AP2A2: variants seen among roughly 807,000 people sequenced by gnomAD.
The protein encoded by AP2A2 is AP-2 complex subunit alpha-2.
In AP2A2, 32 loss-of-function variants were observed where a neutral mutation model predicts 104.2. That is an observed-to-expected ratio of 0.31 (90% confidence interval 0.23 to 0.41). AP2A2 has a LOEUF of 0.41. Ranked by LOEUF, AP2A2 falls within the 10% of genes least tolerant of loss-of-function variation. The pLI, the probability that AP2A2 is intolerant of heterozygous loss-of-function variation, is 1.00. For missense variants in AP2A2, 912 were observed against 1,261.0 expected, an observed-to-expected ratio of 0.72 and a Z score of 4.19; for synonymous variants, 539 against 533.3, an observed-to-expected ratio of 1.01 and a Z score of -0.15.
At chr11:945,369 C>G (rs1041852627) in intron 1 of AP2A2, among the ~76,000 whole-genome samples, 2 of 152,074 alleles carry the variant, frequency 1.3e-5, no homozygotes, top group African/African-American at 4.8e-5. Context: ...GAATCTCTCT[C>G]GTCACCCAGG....
rs189120398 is a variant in AP2A2, at chr11:930,741, C to T, written c.67+4653C>T. ...TTCACCGTGTTAGCCAGGATGGTCTCGGTCTCCTGACCTCGTGATCCACCG... is the reference window on the plus strand; with the variant it reads ...TTCACCGTGTTAGCCAGGATGGTCTTGGTCTCCTGACCTCGTGATCCACCG... On this transcript the variant is annotated intron_variant, in intron 1 of 21. Coordinates refer to ENST00000448903, the MANE Select transcript of AP2A2 (RefSeq NM_012305.4). 3.0e-3 allele frequency among the ~76,000 whole-genome samples: 458 copies of T among 152,232 alleles called. 12 individuals are homozygous for T. The highest frequency in any genetic ancestry group is 0.028 in the Admixed American group (421 of 15,286).
At chr11:934,351 C>T (rs2134458818) in intron 1 of AP2A2, among the ~76,000 whole-genome samples, 1 of 152,208 alleles carries the variant, frequency 6.6e-6, no homozygotes, top group Admixed American at 6.5e-5. Context: ...TCTTGAACTC[C>T]TTGGCTCAAG....
intron 10 of AP2A2, 52 bp downstream of exon 10, chr11:988,741 C>T (rs574519019): frequency 3.0e-5 from 48 of 1,601,012 alleles, no homozygotes; most frequent in East Asian, 1.8e-4. Context: ...TGAATCTCAG[C>T]GGCAGGATTT....
Position 969,000 on chromosome 11 carries a change from C to T in AP2A2, c.137-1169C>T, listed in dbSNP as rs1171839397. Among the ~76,000 whole-genome samples, 2 of 152,164 alleles carry T rather than the reference C, an allele frequency of 1.3e-5. No individual in the cohort carries two copies. Among genetic ancestry groups the T allele is most frequent in the African/African-American group, 2.4e-5 (1 of 41,540 alleles). ...TTGAGGTCGTCCGTGGAGGTGTGAG[C>T]GCCCCAGCCCTTCACAAGAAGGGGG... On this transcript the variant is annotated intron_variant, in intron 2 of 21. Coordinates refer to ENST00000448903, the MANE Select transcript of AP2A2 (RefSeq NM_012305.4). This position sits in a 1 kb window ranked among gnomAD's most constrained non-coding sequence, Gnocchi z 4.2.
intron 5 of AP2A2, 26 bp downstream of exon 5, chr11:977,250 C>T: frequency 6.4e-7 from 1 of 1,556,928 alleles, no homozygotes; most frequent in Non-Finnish European, 8.7e-7. Context: ...TTTGGTTCTC[C>T]CCGCTCCCCC....
At chr11:1,004,431 C>T (rs1172432018) in intron 16 of AP2A2, among the ~76,000 whole-genome samples, 3 of 151,910 alleles carry the variant, frequency 2.0e-5, no homozygotes, top group Non-Finnish European at 2.9e-5. Flanking sequence ...CAAGATCATG[C>T]CACTGCACTA....
chr11:982,160 C>G (rs1200987598), intron 6 of AP2A2, among the ~76,000 whole-genome samples: 2 of 152,228 alleles, frequency 1.3e-5, no homozygotes, highest in African/African-American at 4.8e-5. Flanking sequence ...AAGGGATTCT[C>G]CTGCCTCAGC....
rs557660792 is a variant in AP2A2, at chr11:983,673, G to T, written c.706-972G>T. Among the ~76,000 whole-genome samples the T allele has an allele frequency of 5.3e-5, 8 of 152,166 alleles. No individual in the cohort carries two copies. In the South Asian group the frequency reaches 8.3e-4, roughly 16 times the overall value. On this transcript the variant is annotated intron_variant, in intron 6 of 21. Transcript: ENST00000448903. ...GCTGGGATTACAGGCGGGAGCCACC[G>T]CACCTGGCCTAGTCTCTTTTTAAAC...
At chr11:999,706 T>A (rs566830868) in intron 14 of AP2A2, among the ~76,000 whole-genome samples, 27 of 152,324 alleles carry the variant, frequency 1.8e-4, no homozygotes, top group Non-Finnish European at 3.4e-4. Flanking sequence ...AATTTAATGA[T>A]TAATAATGCA....
chr11:928,286 C>T (rs1296139306), intron 1 of AP2A2, among the ~76,000 whole-genome samples: 1 of 152,224 alleles, frequency 6.6e-6, no homozygotes, highest in Non-Finnish European at 1.5e-5. Flanking sequence ...TACAGTATAT[C>T]ATTACAGTTC....
chr11:966,396 G>A (rs759066023), intron 2 of AP2A2, among the ~76,000 whole-genome samples: 4 of 152,190 alleles, frequency 2.6e-5, no homozygotes, highest in Non-Finnish European at 5.9e-5. Flanking sequence ...CACTTGGGAG[G>A]CTGAGGTGGG....
At chr11:981,079 C>T (rs754121649) in intron 5 of AP2A2, 119 bp from the exon 6 acceptor site, 40 of 727,484 alleles carry the variant, frequency 5.5e-5, no homozygotes, top group East Asian at 8.3e-5. Flanking sequence ...GGCCTGAGGC[C>T]GAGGTGGCTG....
At chr11:1,008,795 C>A in intron 18 of AP2A2, 1 of 435,898 alleles carries the variant, frequency 2.3e-6, no homozygotes, top group Non-Finnish European at 4.1e-6. Flanking sequence ...AATGCCTTTG[C>A]CTTTTTAAAG....
chr11:948,651 G>C (rs1853932881), intron 1 of AP2A2: 1 of 151,484 alleles, frequency 6.6e-6, no homozygotes, highest in Admixed American at 6.6e-5. Flanking sequence ...CGGATCACTT[G>C]AGGTCAGGAG....
rs1172821766 is a variant in AP2A2 at position 1,006,583 on chromosome 11, C to T, written c.2262C>T (p.Thr754=). 3 of 1,613,492 alleles carry T rather than the reference C, an allele frequency of 1.9e-6. No homozygotes were observed. The highest frequency in any genetic ancestry group is 2.5e-6 in the Non-Finnish European group (3 of 1,179,790). ...NKTSTQFLNF[T]PTLICSDDLQ... The stretch of plus-strand genomic sequence containing the variant: ...CCTCCACGCAGTTCCTAAACTTTAC[C>T]CCAACACTAATCTGTTCAGACGACC... Residue 754 remains threonine (T), a synonymous_variant, in exon 17 of 22, where the codon ACC becomes ACT. Coordinates refer to ENST00000448903, the MANE Select transcript of AP2A2 (RefSeq NM_012305.4).
intron 9 of AP2A2, 134 bp downstream of exon 9, chr11:987,087 C>T: frequency 9.3e-7 from 1 of 1,076,942 alleles, no homozygotes; most frequent in Non-Finnish European, 1.3e-6. Flanking sequence ...TGGCCTCCGC[C>T]TGTCACCTAC....
At position 1,000,493 on chromosome 11, in the gene AP2A2, GC is replaced by G. The variant is rs1383010110; in HGVS notation, c.2024del (p.Pro675HisfsTer61). ...GLGAAPPAPA[G>X]PPPSSGGSGL... is the part of the protein sequence containing the mutation. ...GGGGCTGCCCCCCCTGCCCCCGCGG[GC>G]CCCCCACCCTCCTCCGGCGGCAGCG... On this transcript the variant is annotated frameshift_variant, in exon 15 of 22. Transcript: ENST00000448903. LOFTEE classifies it high-confidence loss of function. 4 of 1,540,046 alleles carry G rather than the reference GC, an allele frequency of 2.6e-6. No homozygotes were observed.
intron 18 of AP2A2, 197 bp from the exon 19 acceptor site, chr11:1,008,903 T>C: frequency 1.7e-6 from 1 of 599,576 alleles, no homozygotes; most frequent in East Asian, 2.8e-5. Context: ...TATGCGGCCC[T>C]GGCCTGTCCT....
At chr11:998,706 C>G (rs1393758883) in intron 14 of AP2A2, among the ~76,000 whole-genome samples, 3 of 152,044 alleles carry the variant, frequency 2.0e-5, no homozygotes, top group Admixed American at 2.0e-4. Context: ...CCACCAAGAG[C>G]CCCTGGTGTA....
Sources: gnomAD v4.1 joint callset for allele counts (sites outside exome capture counted in the v4.1 genomes callset) on GRCh38, gnomAD v4.1.1 for gene constraint, Gnocchi (gnomAD v3.1) non-coding constraint, MANE v1.5 for transcripts, NCBI Gene and HGNC (gene_info 2026-07-23, HGNC 2026-07-21) for gene names.